MED13L: variants seen among roughly 807,000 people sequenced by gnomAD.
MED13L encodes mediator complex subunit 13L.
In MED13L, 7 loss-of-function variants were observed where a neutral mutation model predicts 220.9. The ratio of observed to expected loss-of-function variants is 0.03; its 90% CI spans 0.02 to 0.06. The LOEUF (loss-of-function observed/expected upper bound fraction) is 0.06, where lower values mean the gene tolerates loss of function less well. Ranked by LOEUF, MED13L falls within the 10% of genes least tolerant of loss-of-function variation. MED13L has a pLI of 1.00. For missense variants in MED13L, 1,965 were observed against 2,760.5 expected, an observed-to-expected ratio of 0.71 and a Z score of 6.46; for synonymous variants, 1,011 against 1,015.2, an observed-to-expected ratio of 1.00 and a Z score of 0.08.
intron 2 of MED13L, among the ~76,000 whole-genome samples, chr12:116,154,297 C>A (rs1291326408): frequency 6.6e-6 from 1 of 152,148 alleles, no homozygotes; most frequent in Non-Finnish European, 1.5e-5. Context: ...AATTACTGAA[C>A]AACACTGCTT....
intron 1 of MED13L, among the ~76,000 whole-genome samples, chr12:116,264,101 G>C (rs1472098314): frequency 6.6e-6 from 1 of 152,104 alleles, no homozygotes; most frequent in East Asian, 1.9e-4. Flanking sequence ...TTAACTCTTA[G>C]GCAGCAGTTT....
intron 10 of MED13L, chr12:116,007,940 G>A: frequency 2.6e-6 from 1 of 389,580 alleles, no homozygotes; most frequent in Non-Finnish European, 4.6e-6. Context: ...GTAATAATAT[G>A]GTACAGTGAA....
At chr12:116,218,156 T>A (rs557021276) in intron 2 of MED13L, among the ~76,000 whole-genome samples, 1 of 152,336 alleles carries the variant, frequency 6.6e-6, no homozygotes, top group South Asian at 2.1e-4. Flanking sequence ...CCAAAGTATG[T>A]AATTTTTTTT....
chr12:116,120,555 G>C (rs1441329195), intron 2 of MED13L, among the ~76,000 whole-genome samples: 2 of 147,392 alleles, frequency 1.4e-5, no homozygotes, highest in African/African-American at 2.5e-5. Context: ...AATACATAAA[G>C]AGGGACAGAG....
At chr12:116,205,905 G>A (rs948672487) in intron 2 of MED13L, among the ~76,000 whole-genome samples, 4 of 147,908 alleles carry the variant, frequency 2.7e-5, no homozygotes, top group African/African-American at 9.9e-5. Context: ...AGTTTCTGCT[G>A]TGAAAACTTT....
rs1014841635 is a variant in MED13L, at chr12:115,993,570, C to T, written c.2997-1613G>A. On this transcript the variant is annotated intron_variant, in intron 16 of 30. Transcript: ENST00000281928. ...GTACAGATAAAAAAAAAAAAATGAC[C>T]CAGAAAACTTGATTGGCAATCACTG... Among the ~76,000 whole-genome samples, 5 of 151,746 alleles carry T rather than the reference C, an allele frequency of 3.3e-5. No individual in the cohort carries two copies. The East Asian group carries it at 9.7e-4, about 29-fold the overall frequency.
intron 4 of MED13L, among the ~76,000 whole-genome samples, chr12:116,071,441 T>C (rs1222434411): frequency 1.3e-5 from 2 of 152,220 alleles, no homozygotes; most frequent in Non-Finnish European, 2.9e-5. Context: ...TTTTGTTTTG[T>C]TTGAGACAGA....
chr12:116,019,082 C>T, intron 7 of MED13L, 142 bp downstream of exon 7: 2 of 784,678 alleles, frequency 2.5e-6, no homozygotes, highest in Non-Finnish European at 4.0e-6. Flanking sequence ...TTTTCCTTCT[C>T]CATTTTGTAA....
chr12:116,229,118 C>T (rs1365627442), intron 2 of MED13L, among the ~76,000 whole-genome samples: 1 of 152,096 alleles, frequency 6.6e-6, no homozygotes, highest in African/African-American at 2.4e-5. Flanking sequence ...TATGAAAGTA[C>T]AAGCTTTTGA....
At chr12:116,079,969 A>G (rs937392852) in intron 4 of MED13L, among the ~76,000 whole-genome samples, 1 of 152,138 alleles carries the variant, frequency 6.6e-6, no homozygotes, top group Non-Finnish European at 1.5e-5. Flanking sequence ...GGCCCAGAAC[A>G]GCTTTGAATG....
At chr12:116,028,564 C>T (rs1880537986) in intron 4 of MED13L, among the ~76,000 whole-genome samples, 1 of 152,114 alleles carries the variant, frequency 6.6e-6, no homozygotes, top group Non-Finnish European at 1.5e-5. Context: ...TACCTTAGAT[C>T]AATGCTGCCT....
chr12:116,097,679 A>G (rs553416036), intron 3 of MED13L, among the ~76,000 whole-genome samples: 9 of 152,346 alleles, frequency 5.9e-5, no homozygotes, highest in African/African-American at 1.9e-4. Context: ...ATTCATATAC[A>G]AGCAGTGGCC....
At chr12:116,161,567 A>C (rs1339820623) in intron 2 of MED13L, among the ~76,000 whole-genome samples, 2 of 152,176 alleles carry the variant, frequency 1.3e-5, no homozygotes, top group African/African-American at 4.8e-5. Context: ...TTAATGATGA[A>C]TAGAACAAGG....
rs796878005 is a variant in MED13L at position 116,191,595 on chromosome 12, G to A, written c.310+45873C>T. On this transcript the variant is annotated intron_variant, in intron 2 of 30. Transcript: ENST00000281928. Reference sequence around the variant, plus strand: ...TCCACCCACCTCAGCCTCCCAAAGTGCTAGGATTACAGGCATGAGCCACAG... The same window carrying A: ...TCCACCCACCTCAGCCTCCCAAAGTACTAGGATTACAGGCATGAGCCACAG... Among the ~76,000 whole-genome samples, 20 of 152,170 alleles carry A rather than the reference G, an allele frequency of 1.3e-4. 1 individual carries two copies. The highest frequency in any genetic ancestry group is 4.8e-4 in the African/African-American group (20 of 41,542).
At chr12:116,074,278 C>T (rs1032257273) in intron 4 of MED13L, among the ~76,000 whole-genome samples, 13 of 152,018 alleles carry the variant, frequency 8.6e-5, no homozygotes, top group Admixed American at 6.6e-4. Context: ...GCTTGTAGTC[C>T]CAGCTACTTG....
chr12:116,134,642 A>G (rs895652556), intron 2 of MED13L, among the ~76,000 whole-genome samples: 1 of 152,206 alleles, frequency 6.6e-6, no homozygotes, highest in Non-Finnish European at 1.5e-5. Flanking sequence ...ATATAAAATT[A>G]TTCAAACCCC....
At chr12:115,977,667 A>C (rs1162309852) in intron 23 of MED13L, among the ~76,000 whole-genome samples, 4 of 152,200 alleles carry the variant, frequency 2.6e-5, no homozygotes, top group Non-Finnish European at 4.4e-5. Flanking sequence ...GATGAACCTC[A>C]AAATCATTAT....
At chr12:116,161,015 G>A (rs1878816397) in intron 2 of MED13L, among the ~76,000 whole-genome samples, 1 of 152,172 alleles carries the variant, frequency 6.6e-6, no homozygotes, top group African/African-American at 2.4e-5. Flanking sequence ...AGTTCTGGCT[G>A]AGAAGTACAA....
chr12:116,233,527 G>A (rs1869780728), intron 2 of MED13L, among the ~76,000 whole-genome samples: 1 of 152,084 alleles, frequency 6.6e-6, no homozygotes, highest in Admixed American at 6.6e-5. Flanking sequence ...CCTTTTAGAG[G>A]GGAGACTATT....
Sources: allele counts gnomAD v4.1 joint callset (sites outside exome capture counted in the v4.1 genomes callset), GRCh38; gene constraint gnomAD v4.1.1; transcripts MANE v1.5; gene names NCBI Gene and HGNC (gene_info 2026-07-23, HGNC 2026-07-21).